The following STAG1 variants were observed in gnomAD, a reference collection of about 807,000 sequenced individuals.
STAG1 encodes the protein cohesin subunit SA-1.
STAG1 carries 26 observed loss-of-function variants against 170.9 expected under a neutral mutation model. The observed-to-expected ratio is 0.15, with a 90% CI of 0.11 to 0.21. The LOEUF (loss-of-function observed/expected upper bound fraction) is 0.21. Ranked by LOEUF, STAG1 falls within the 10% of genes least tolerant of loss-of-function variation. The probability of loss-of-function intolerance (pLI) is 1.00; values close to 1 mark genes in which losing one functional copy is unlikely to be tolerated. For missense variants in STAG1, 964 were observed against 1,509.5 expected (o/e 0.64, Z 5.99); for synonymous variants, 514 against 497.7 (o/e 1.03, Z -0.44).
At chr3:136,501,324 T>C (rs186509064) in intron 8 of STAG1, among the ~76,000 whole-genome samples, 105 of 152,328 alleles carry the variant, frequency 6.9e-4, no homozygotes, top group African/African-American at 2.5e-3. Flanking sequence ...AATTTGTACA[T>C]TGAAGTTCTA....
At chr3:136,600,900 GTTTTGTTTGAGA>G (rs1373141665) in intron 4 of STAG1, among the ~76,000 whole-genome samples, 60 of 92,418 alleles carry the variant, frequency 6.5e-4, no homozygotes, top group African/African-American at 2.2e-3. Flanking sequence ...GTTTTGTTTT[GTTTTGTTTGAGA>G]AGAAGTCTTC....
intron 12 of STAG1, among the ~76,000 whole-genome samples, chr3:136,471,938 A>G (rs949864944): frequency 6.6e-6 from 1 of 152,122 alleles, no homozygotes; most frequent in African/African-American, 2.4e-5. Context: ...TCTGGGCTCA[A>G]GCGACCCTCC....
chr3:136,591,075 G>C (rs1408034045), intron 4 of STAG1, among the ~76,000 whole-genome samples: 1 of 151,266 alleles, frequency 6.6e-6, no homozygotes, highest in Non-Finnish European at 1.5e-5. Flanking sequence ...TATTTCATTA[G>C]ATTTGTTATA....
intron 28 of STAG1, among the ~76,000 whole-genome samples, chr3:136,352,784 A>G (rs1227265613): frequency 1.3e-5 from 2 of 152,196 alleles, no homozygotes; most frequent in African/African-American, 2.4e-5. Context: ...TTATCAAACT[A>G]TAGGCTAATG....
chr3:136,522,257 T>G (rs568882080), intron 6 of STAG1, among the ~76,000 whole-genome samples: 1 of 152,142 alleles, frequency 6.6e-6, no homozygotes, highest in African/African-American at 2.4e-5. Flanking sequence ...ACTGGAGTCA[T>G]AGGAAAGAGA....
intron 22 of STAG1, among the ~76,000 whole-genome samples, 160 bp downstream of exon 22, chr3:136,398,589 T>A (rs576656160): frequency 5.9e-5 from 9 of 152,094 alleles, no homozygotes; most frequent in Non-Finnish European, 1.0e-4. Flanking sequence ...AAATGTATAC[T>A]TACTCATAAG....
intron 1 of STAG1, among the ~76,000 whole-genome samples, chr3:136,743,734 T>A (rs1020765163): frequency 2.0e-5 from 3 of 152,180 alleles, no homozygotes; most frequent in Non-Finnish European, 4.4e-5. Context: ...CAACCTTTTT[T>A]ATGAAGCCAT....
rs141492849 is a variant in STAG1 at position 136,501,019 on chromosome 3, C to A, written c.829-723G>T. Among the ~76,000 whole-genome samples, 493 of 133,730 alleles carry A rather than the reference C, an allele frequency of 3.7e-3. 7 individuals are homozygous for A. The East Asian group carries it at 0.045, about 12-fold the overall frequency. 87.7% of individuals were successfully genotyped at this position (133,730 alleles called of 152,430 possible). A position where few individuals can be genotyped will look rare whatever the true frequency, so the allele number is the denominator to read the frequency against. On this transcript the variant is annotated intron_variant, in intron 8 of 33. Transcript: ENST00000383202. ...TTCAGTGAAATATTTGCTTTTACTA[C>A]ATACATGAATGTTGACAATAAAATT...
At chr3:136,526,978 G>A (rs1432846682) in intron 6 of STAG1, among the ~76,000 whole-genome samples, 1 of 152,182 alleles carries the variant, frequency 6.6e-6, no homozygotes, top group Non-Finnish European at 1.5e-5. Context: ...AGTCTGATGG[G>A]CTTCCCTTTG....
At chr3:136,546,957 A>C (rs772739256) in intron 5 of STAG1, among the ~76,000 whole-genome samples, 14 of 152,150 alleles carry the variant, frequency 9.2e-5, no homozygotes, top group Non-Finnish European at 1.9e-4. Context: ...TATACTTTGA[A>C]GTCTCTCACA....
At chr3:136,632,498 A>G (rs893484604) in intron 1 of STAG1, among the ~76,000 whole-genome samples, 1 of 152,176 alleles carries the variant, frequency 6.6e-6, no homozygotes, top group African/African-American at 2.4e-5. Context: ...CAAAAATGAT[A>G]GCTGTGCATT....
chr3:136,707,849 C>T (rs1190661687), intron 1 of STAG1, among the ~76,000 whole-genome samples: 1 of 152,136 alleles, frequency 6.6e-6, no homozygotes, highest in South Asian at 2.1e-4. Flanking sequence ...GAAGGATCTG[C>T]CCTCATAACC....
At position 136,477,284 on chromosome 3, in the gene STAG1, C is replaced by G. The variant is rs373577335; in HGVS notation, c.1026+5G>C. On this transcript the variant is annotated splice_donor_5th_base_variant and intron_variant, in intron 10 of 33. Coordinates refer to ENST00000383202, the MANE Select transcript of STAG1 (RefSeq NM_005862.3). ...TCCATCAAAGCTTAGAACAGAGTAA[C>G]TTACCCTGTCATGAAGAGTCCAGCC... 42 of 1,609,518 alleles carry G rather than the reference C, an allele frequency of 2.6e-5. No homozygotes were observed. The African/African-American group carries it at 4.7e-4, about 18-fold the overall frequency.
chr3:136,550,830 CA>C (rs1936350925), intron 5 of STAG1, among the ~76,000 whole-genome samples: 1 of 152,104 alleles, frequency 6.6e-6, no homozygotes, highest in Admixed American at 6.6e-5. Flanking sequence ...AAGCAGTGGT[CA>C]GGTATTTTAT....
chr3:136,708,967 CTTTTTT>C (rs61595071), intron 1 of STAG1, among the ~76,000 whole-genome samples: 12 of 86,074 alleles, frequency 1.4e-4, no homozygotes, highest in African/African-American at 5.4e-4. Flanking sequence ...CTGCAGCTGG[CTTTTTT>C]TTTTTTTTTT....
At chr3:136,694,781 T>C (rs1025089411) in intron 1 of STAG1, among the ~76,000 whole-genome samples, 12 of 151,996 alleles carry the variant, frequency 7.9e-5, no homozygotes, top group Non-Finnish European at 1.3e-4. Context: ...AACCTCACAA[T>C]TGTTAAACGG....
intron 20 of STAG1, among the ~76,000 whole-genome samples, chr3:136,419,898 T>A (rs2087899782): frequency 6.6e-6 from 1 of 152,172 alleles, no homozygotes; most frequent in African/African-American, 2.4e-5. Flanking sequence ...CAGTATATAT[T>A]CATTACATTA....
intron 7 of STAG1, among the ~76,000 whole-genome samples, chr3:136,509,856 T>C (rs1012794515): frequency 6.6e-6 from 1 of 152,222 alleles, no homozygotes; most frequent in African/African-American, 2.4e-5. Context: ...TGATACCTAT[T>C]ATACCTTTGA....
chr3:136,637,456 G>A (rs992926662), intron 1 of STAG1, among the ~76,000 whole-genome samples: 5 of 152,148 alleles, frequency 3.3e-5, no homozygotes, highest in African/African-American at 1.2e-4. Context: ...ATAGCGATGA[G>A]GTTCACTGGC....
Sources: allele counts gnomAD v4.1 joint callset (sites outside exome capture counted in the v4.1 genomes callset), GRCh38; gene constraint gnomAD v4.1.1; transcripts MANE v1.5; gene names NCBI Gene and HGNC (gene_info 2026-07-23, HGNC 2026-07-21).